The following MTDH variants were observed in gnomAD, a reference collection of about 807,000 sequenced individuals.
The protein encoded by MTDH is protein LYRIC.
In MTDH, 34 loss-of-function variants were observed where a neutral mutation model predicts 72.7. The observed-to-expected ratio is 0.47, with a 90% confidence interval of 0.36 to 0.62. MTDH has a LOEUF of 0.62. MTDH is among the 20% of genes least tolerant of loss of function. The pLI, the probability that MTDH is intolerant of heterozygous loss-of-function variation, is 0.00. For synonymous variants in MTDH, 266 were observed against 268.9 expected (o/e 0.99, Z 0.10); for missense variants, 677 against 699.4 (o/e 0.97, Z 0.36).
rs1240421996 is a variant in MTDH at position 97,723,829 on chromosome 8, T to C, written c.1679-771T>C. On this transcript the variant is annotated intron_variant, in intron 11 of 11. Transcript: ENST00000336273. ...AGTTGTTAAAATAACTAAAGGAGGC[T>C]GGGTGCCGTGCCTCACACCTGTAAT... Among the ~76,000 whole-genome samples, 7 of 151,194 alleles carry C rather than the reference T, an allele frequency of 4.6e-5. 1 individual carries two copies. Among genetic ancestry groups the C allele is most frequent in the Non-Finnish European group, 1.5e-5 (1 of 67,794 alleles).
chr8:97,668,985 GC>G (rs976227621), intron 2 of MTDH, among the ~76,000 whole-genome samples: 2 of 151,970 alleles, frequency 1.3e-5, no homozygotes, highest in African/African-American at 4.8e-5. Flanking sequence ...TGACCTAAAA[GC>G]CCCCTGCCTT....
chr8:97,708,701 G>A (rs1329613110), intron 8 of MTDH, among the ~76,000 whole-genome samples: 8 of 131,186 alleles, frequency 6.1e-5, no homozygotes, highest in African/African-American at 2.1e-4. Flanking sequence ...CCAGGTTCAA[G>A]TGATTCTCCC....
intron 8 of MTDH, among the ~76,000 whole-genome samples, chr8:97,711,909 C>G (rs1042635608): frequency 1.3e-5 from 2 of 152,196 alleles, no homozygotes; most frequent in South Asian, 4.1e-4. Flanking sequence ...AGCAAAACTG[C>G]AAATAAGGGG....
At chr8:97,653,142 T>G (rs1021945675) in intron 1 of MTDH, among the ~76,000 whole-genome samples, 1 of 151,068 alleles carries the variant, frequency 6.6e-6, no homozygotes, top group African/African-American at 2.4e-5. Flanking sequence ...AAAAAAAGAA[T>G]AATCATTTGC....
At chr8:97,676,452 A>G (rs1183425533) in intron 2 of MTDH, among the ~76,000 whole-genome samples, 2 of 152,174 alleles carry the variant, frequency 1.3e-5, no homozygotes, top group Admixed American at 1.3e-4. Flanking sequence ...GTACTTTGCA[A>G]TTCTCTGTCA....
At chr8:97,686,785 T>G (rs753856978) in intron 3 of MTDH, 33 bp downstream of exon 3, 8 of 1,412,164 alleles carry the variant, frequency 5.7e-6, no homozygotes, top group Non-Finnish European at 7.7e-6. Flanking sequence ...TGTAGAAAAT[T>G]TTTTAATCCT....
intron 2 of MTDH, among the ~76,000 whole-genome samples, chr8:97,667,136 G>T (rs1186777900): frequency 6.6e-6 from 1 of 152,174 alleles, no homozygotes; most frequent in African/African-American, 2.4e-5. Flanking sequence ...GACTGCAGAT[G>T]CACACTACCA....
At chr8:97,686,159 A>G (rs746094098) in intron 2 of MTDH, among the ~76,000 whole-genome samples, 1 of 152,240 alleles carries the variant, frequency 6.6e-6, no homozygotes, top group Non-Finnish European at 1.5e-5. Flanking sequence ...ATGCAATCCA[A>G]AAACTGATAA....
intron 1 of MTDH, among the ~76,000 whole-genome samples, chr8:97,646,455 T>G (rs1173816778): frequency 6.6e-6 from 1 of 151,442 alleles, no homozygotes; most frequent in Non-Finnish European, 1.5e-5. Context: ...AGAACCTTGC[T>G]CCAAGGTAAG....
intron 9 of MTDH, among the ~76,000 whole-genome samples, chr8:97,714,970 C>T (rs1329112142): frequency 6.6e-6 from 1 of 152,164 alleles, no homozygotes; most frequent in African/African-American, 2.4e-5. Context: ...GGATTACAGG[C>T]ATGTGCCACC....
intron 2 of MTDH, among the ~76,000 whole-genome samples, chr8:97,676,222 G>A (rs972436610): frequency 1.3e-5 from 2 of 152,148 alleles, no homozygotes; most frequent in East Asian, 3.8e-4. Flanking sequence ...TTACTGGCTT[G>A]AGCCATTGCA....
At chr8:97,696,527 A>G (rs959712880) in intron 6 of MTDH, among the ~76,000 whole-genome samples, 2 of 152,180 alleles carry the variant, frequency 1.3e-5, no homozygotes, top group African/African-American at 4.8e-5. Flanking sequence ...CTGACAGTGT[A>G]TTGGCACACA....
At position 97,723,266 on chromosome 8, in the gene MTDH, C is replaced by T. The variant is rs367579407; in HGVS notation, c.1678+231C>T. 1.1e-4 allele frequency among the ~76,000 whole-genome samples: 17 copies of T among 150,910 alleles called. No homozygotes were observed. In the East Asian group the frequency reaches 1.4e-3, roughly 12 times the overall value. On this transcript the variant is annotated intron_variant, in intron 11 of 11. Coordinates refer to ENST00000336273, the MANE Select transcript of MTDH (RefSeq NM_178812.4). The stretch of plus-strand genomic sequence containing the variant: ...ACAAAAAATTAGCCAGGTGTGGCGG[C>T]GGGTGCCTGTAGTCCCAGCTACTCG...
intron 1 of MTDH, among the ~76,000 whole-genome samples, chr8:97,646,168 A>G (rs997663875): frequency 2.6e-5 from 4 of 151,936 alleles, no homozygotes; most frequent in Non-Finnish European, 4.4e-5. Context: ...CCAACTAACA[A>G]GAGTTTTGTT....
At chr8:97,687,735 A>G in intron 4 of MTDH, 130 bp downstream of exon 4, 3 of 748,372 alleles carry the variant, frequency 4.0e-6, no homozygotes, top group South Asian at 5.2e-5. Flanking sequence ...ACCCTTCTTC[A>G]TGAGAGTATT....
intron 2 of MTDH, among the ~76,000 whole-genome samples, chr8:97,670,031 G>A (rs901518896): frequency 6.6e-6 from 1 of 151,774 alleles, no homozygotes; most frequent in Non-Finnish European, 1.5e-5. Context: ...AAAGAAGTAC[G>A]TGCCTGGGCG....
At position 97,699,769 on chromosome 8, in the gene MTDH, C is replaced by G. The variant is rs1285419708; in HGVS notation, c.1064C>G (p.Pro355Arg). ...TTCATTTAAGGGTCTACTGCTGAGC[C>G]AGTTTCTCAGTCTACCACTTCTGAT... ...IFSGIGSTAE[P>R]VSQSTTSDYQ... Residue 355 changes from proline (P) to arginine (R), a missense_variant, in exon 7 of 12, where the codon CCA becomes CGA. Around this residue, in one of 3 missense-constraint regions of MTDH, gnomAD observed 467 missense variants for 469.1 expected, o/e 1.00. Transcript: ENST00000336273. 6.2e-7 allele frequency: 1 copy of G among 1,611,432 alleles called. No individual in the cohort carries two copies. Among genetic ancestry groups the G allele is most frequent in the South Asian group, 1.1e-5 (1 of 90,960 alleles).
At chr8:97,720,585 ATATATATT>A (rs1192789229) in intron 10 of MTDH, among the ~76,000 whole-genome samples, 1 of 137,888 alleles carries the variant, frequency 7.3e-6, no homozygotes, top group East Asian at 2.0e-4. Context: ...AGAAGAATAT[ATATATATT>A]TATTTATTTA....
intron 6 of MTDH, 83 bp downstream of exon 6, chr8:97,691,271 CTA>C (rs1386305935): frequency 2.1e-5 from 20 of 961,048 alleles, no homozygotes; most frequent in Middle Eastern, 3.0e-4. Flanking sequence ...GAAAAAAAAA[CTA>C]TGAATAGAAA....
Sources: gnomAD v4.1 joint callset for allele counts (sites outside exome capture counted in the v4.1 genomes callset) on GRCh38, gnomAD v4.1.1 for gene constraint, gnomAD v4.1.1 regional missense constraint, MANE v1.5 for transcripts, NCBI Gene and HGNC (gene_info 2026-07-23, HGNC 2026-07-21) for gene names.